Variants in CDC73 observed in about 807,000 individuals in gnomAD.
CDC73 encodes cell division cycle 73.
Under a neutral mutation model 83.7 loss-of-function variants are expected in CDC73, and 21 were observed. The ratio of observed to expected loss-of-function variants is 0.25; its 90% CI spans 0.18 to 0.36. CDC73 has a LOEUF of 0.36. CDC73 is among the 10% of genes least tolerant of loss of function. CDC73 has a pLI of 1.00. For synonymous variants in CDC73, 224 were observed against 212.9 expected (o/e 1.05, Z -0.45); for missense variants, 342 against 653.3 (o/e 0.52, Z 5.19).
chr1:193,132,033 G>A (rs1222022969), intron 3 of CDC73, among the ~76,000 whole-genome samples: 2 of 152,162 alleles, frequency 1.3e-5, no homozygotes, highest in East Asian at 3.8e-4. Context: ...TACAATAGTG[G>A]TGCATGGTAG....
intron 13 of CDC73, among the ~76,000 whole-genome samples, chr1:193,214,103 C>G (rs934812228): frequency 3.3e-5 from 5 of 152,174 alleles, no homozygotes; most frequent in African/African-American, 1.2e-4. Context: ...TCCTCTGTGT[C>G]CTTTCCCTAT....
At chr1:193,163,026 C>G (rs114714744) in intron 10 of CDC73, among the ~76,000 whole-genome samples, 2,308 of 152,192 alleles carry the variant, frequency 0.015, 47 homozygotes, top group Non-Finnish European at 0.02. Flanking sequence ...AGTAACTTAT[C>G]TAGCTACACA....
intron 5 of CDC73, chr1:193,136,468 C>CGA (rs1366721132): frequency 3.6e-6 from 1 of 278,086 alleles, no homozygotes; most frequent in Non-Finnish European, 8.3e-6. Flanking sequence ...ATGTGTTATT[C>CGA]TAAGTACTTT....
chr1:193,164,975 G>A (rs180973539), intron 10 of CDC73, among the ~76,000 whole-genome samples: 1 of 152,312 alleles, frequency 6.6e-6, no homozygotes, highest in East Asian at 1.9e-4. Context: ...CGTTTGAGCT[G>A]TAAATTTAGG....
At chr1:193,156,344 A>G (rs1209570974) in intron 10 of CDC73, among the ~76,000 whole-genome samples, 1 of 152,072 alleles carries the variant, frequency 6.6e-6, no homozygotes, top group Non-Finnish European at 1.5e-5. Context: ...GATTACCTTT[A>G]CTGTCTTCAT....
chr1:193,147,828 A>G (rs1279914108), intron 7 of CDC73, 39 bp from the exon 8 acceptor site: 2 of 1,122,006 alleles, frequency 1.8e-6, no homozygotes, highest in Non-Finnish European at 1.3e-6. Context: ...ACTATTGTAT[A>G]TTTAAAGTGG....
At chr1:193,242,114 G>A (rs1677872683) in intron 15 of CDC73, among the ~76,000 whole-genome samples, 1 of 152,170 alleles carries the variant, frequency 6.6e-6, no homozygotes, top group African/African-American at 2.4e-5. Context: ...GGGGTTGGGG[G>A]GCTGTCTTCA....
Position 193,148,639 on chromosome 1 carries a change from ATTTTTTTTTTT to A in CDC73, c.828+690_828+700del, listed in dbSNP as rs894987430. Among the ~76,000 whole-genome samples the A allele has an allele frequency of 6.2e-5, 7 of 113,682 alleles. No individual in the cohort carries two copies. The South Asian group carries it at 1.4e-3, about 22-fold the overall frequency. The allele number at this position is 113,682 out of a possible 152,430, so 74.6% of individuals were successfully genotyped here. On this transcript the variant is annotated intron_variant, in intron 8 of 16. Coordinates refer to ENST00000367435, the MANE Select transcript of CDC73 (RefSeq NM_024529.5). ...AGATTCTATAAATAGAAAATTTATA[ATTTTTTTTTTT>A]TTTTTTTTTTTTTTTGAGACAGTCT...
At chr1:193,151,402 G>T (rs970320398) in intron 9 of CDC73, among the ~76,000 whole-genome samples, 6 of 152,230 alleles carry the variant, frequency 3.9e-5, no homozygotes, top group African/African-American at 1.4e-4. Flanking sequence ...AGCAGAGGTT[G>T]ATAAATTACA....
chr1:193,195,001 A>T (rs1676978283), intron 10 of CDC73, among the ~76,000 whole-genome samples: 1 of 152,184 alleles, frequency 6.6e-6, no homozygotes, highest in Non-Finnish European at 1.5e-5. Context: ...GGTTTAACAC[A>T]CAAAACATAA....
At chr1:193,139,606 A>G (rs1211687510) in intron 6 of CDC73, among the ~76,000 whole-genome samples, 1 of 152,158 alleles carries the variant, frequency 6.6e-6, no homozygotes, top group African/African-American at 2.4e-5. Flanking sequence ...CTGCTTTATT[A>G]CATATCATGT....
chr1:193,221,574 C>T (rs1677470267), intron 13 of CDC73, among the ~76,000 whole-genome samples: 2 of 152,098 alleles, frequency 1.3e-5, no homozygotes, highest in African/African-American at 4.8e-5. Flanking sequence ...ATTGTCTTTT[C>T]ATTCTCCACT....
intron 12 of CDC73, 104 bp from the exon 13 acceptor site, chr1:193,212,286 G>C (rs1677293034): frequency 6.6e-6 from 6 of 907,180 alleles, no homozygotes; most frequent in Non-Finnish European, 8.5e-6. Flanking sequence ...ATATTTTTTA[G>C]ATCAAAAGTT....
intron 10 of CDC73, among the ~76,000 whole-genome samples, chr1:193,190,503 A>G (rs1262629290): frequency 2.6e-5 from 4 of 152,236 alleles, no homozygotes; most frequent in African/African-American, 9.6e-5. Context: ...GAACTCACAA[A>G]GCAAGAATTA....
intron 9 of CDC73, among the ~76,000 whole-genome samples, chr1:193,150,774 T>C (rs1303266352): frequency 2.0e-5 from 3 of 152,238 alleles, no homozygotes; most frequent in Non-Finnish European, 4.4e-5. Context: ...CATTCTGCCT[T>C]AGTTTTCTCC....
chr1:193,151,856 G>A (rs904821481), intron 9 of CDC73, among the ~76,000 whole-genome samples: 34 of 152,134 alleles, frequency 2.2e-4, no homozygotes, highest in Non-Finnish European at 4.3e-4. Flanking sequence ...CCTGTGGAGG[G>A]GGGATGGGAG....
intron 2 of CDC73, chr1:193,127,910 C>T (rs1192177713): frequency 6.7e-6 from 1 of 150,000 alleles, no homozygotes; most frequent in Admixed American, 6.7e-5. Context: ...CCTGCCTCAG[C>T]CTCCCAAGTA....
At chr1:193,122,737 G>T (rs1675479830) in intron 1 of CDC73, among the ~76,000 whole-genome samples, 2 of 151,852 alleles carry the variant, frequency 1.3e-5, no homozygotes, top group Non-Finnish European at 2.9e-5. Context: ...TTTCCAGGCT[G>T]CTATGTAACT....
chr1:193,195,783 C>T (rs1251169836), intron 10 of CDC73, among the ~76,000 whole-genome samples: 3 of 152,138 alleles, frequency 2.0e-5, no homozygotes, highest in South Asian at 2.1e-4. Flanking sequence ...TTTTCATGCA[C>T]TTATTAGCCA....
Sources: gnomAD v4.1 joint callset for allele counts (sites outside exome capture counted in the v4.1 genomes callset) on GRCh38, gnomAD v4.1.1 for gene constraint, MANE v1.5 for transcripts, NCBI Gene and HGNC (gene_info 2026-07-23, HGNC 2026-07-21) for gene names.